SGCZ: variants seen among roughly 807,000 people sequenced by gnomAD.
SGCZ encodes sarcoglycan zeta.
In SGCZ, 40 loss-of-function variants were observed where a neutral mutation model predicts 41.3. The observed-to-expected ratio is 0.97, with a 90% confidence interval of 0.75 to 1.26. The LOEUF is 1.26. SGCZ is among the 50% of genes most tolerant of loss of function. The pLI, the probability that SGCZ is intolerant of heterozygous loss-of-function variation, is 0.00. For missense variants in SGCZ, 552 were observed against 369.8 expected (o/e 1.49, Z -4.04); for synonymous variants, 206 against 137.5 (o/e 1.50, Z -3.49).
Position 14,102,378 on chromosome 8 carries a change from C to T in SGCZ, c.742G>A (p.Glu248Lys). Residue 248 changes from glutamate (E) to lysine (K), a missense_variant and splice_region_variant, in exon 7 of 8, where the codon GAG becomes AAG. Glu to Lys is a moderately conservative substitution (Grantham distance 56). Transcript: ENST00000382080. The stretch of plus-strand genomic sequence containing the variant: ...GGGTCCAACTTTCTGGGACTCACCT[C>T]CCCTTCTGTAGATTGCAGATGGAGC... Reference protein sequence around the residue: ...KELHLQSTEGEIFLNAETIKL... With the variant: ...KELHLQSTEGKIFLNAETIKL... 1 of 1,490,042 alleles carries T rather than the reference C, an allele frequency of 6.7e-7. No individual in the cohort carries two copies. The highest frequency in any genetic ancestry group is 1.9e-5 in the Admixed American group (1 of 53,460). 92.3% of individuals were successfully genotyped at this position (1,490,042 alleles called of 1,614,324 possible).
At chr8:14,514,506 A>T (rs1317954098) in intron 2 of SGCZ, among the ~76,000 whole-genome samples, 1 of 151,804 alleles carries the variant, frequency 6.6e-6, no homozygotes, top group East Asian at 1.9e-4. Context: ...TAGCTAGTAC[A>T]TGAGGTGAAA....
chr8:15,022,028 A>G (rs899988690), intron 1 of SGCZ, among the ~76,000 whole-genome samples: 2 of 152,218 alleles, frequency 1.3e-5, no homozygotes, highest in African/African-American at 4.8e-5. Flanking sequence ...TGCCCTCTGT[A>G]ATAATGCTAT....
chr8:14,251,979 G>A (rs948861145), intron 3 of SGCZ, among the ~76,000 whole-genome samples: 2 of 151,992 alleles, frequency 1.3e-5, no homozygotes, highest in Admixed American at 1.3e-4. Flanking sequence ...CAAAGTGTTG[G>A]GATTACAGGC....
At chr8:14,163,827 TG>T (rs1804123642) in intron 5 of SGCZ, among the ~76,000 whole-genome samples, 1 of 152,194 alleles carries the variant, frequency 6.6e-6, no homozygotes, top group Non-Finnish European at 1.5e-5. Flanking sequence ...AACTCAAGTT[TG>T]GGAAACATGA....
intron 2 of SGCZ, among the ~76,000 whole-genome samples, chr8:14,510,663 T>C (rs1481792507): frequency 6.6e-6 from 1 of 152,140 alleles, no homozygotes; most frequent in Admixed American, 6.6e-5. Flanking sequence ...AGGGCAGATA[T>C]GAATGAAAAA....
chr8:14,575,871 A>T (rs926352449), intron 1 of SGCZ, among the ~76,000 whole-genome samples: 2 of 140,896 alleles, frequency 1.4e-5, no homozygotes, highest in African/African-American at 2.7e-5. Context: ...GTGCCATTGC[A>T]CTCCAGCCTG....
chr8:14,708,656 T>A (rs1809408738), intron 1 of SGCZ, among the ~76,000 whole-genome samples: 2 of 152,242 alleles, frequency 1.3e-5, no homozygotes, highest in African/African-American at 4.8e-5. Flanking sequence ...TGACACACCA[T>A]GCAACATCGT....
At chr8:14,491,548 TA>T (rs1421206972) in intron 2 of SGCZ, among the ~76,000 whole-genome samples, 2 of 152,182 alleles carry the variant, frequency 1.3e-5, no homozygotes, top group East Asian at 1.9e-4. Flanking sequence ...TACAAGATCC[TA>T]AAAAACACAA....
chr8:14,664,952 C>T (rs934536981), intron 1 of SGCZ, among the ~76,000 whole-genome samples: 1 of 152,112 alleles, frequency 6.6e-6, no homozygotes, highest in Admixed American at 6.6e-5. Context: ...CTAGGTGATC[C>T]TGGTCAAGCT....
intron 4 of SGCZ, among the ~76,000 whole-genome samples, chr8:14,222,463 C>T (rs576728926): frequency 7.6e-4 from 116 of 152,078 alleles, no homozygotes; most frequent in Non-Finnish European, 1.1e-3. Context: ...CCACCGTGCC[C>T]GGCCACTTCA....
intron 2 of SGCZ, among the ~76,000 whole-genome samples, chr8:14,543,542 G>A (rs1331674397): frequency 2.0e-5 from 3 of 152,038 alleles, no homozygotes; most frequent in African/African-American, 7.2e-5. Flanking sequence ...TGTGTAAAGA[G>A]ACCAAATCTC....
intron 2 of SGCZ, among the ~76,000 whole-genome samples, chr8:14,326,794 T>A (rs994291349): frequency 6.6e-6 from 1 of 152,146 alleles, no homozygotes; most frequent in African/African-American, 2.4e-5. Context: ...CCTCTTACAT[T>A]TTCAAAAATA....
At chr8:14,736,633 C>G (rs1799039911) in intron 1 of SGCZ, among the ~76,000 whole-genome samples, 2 of 152,058 alleles carry the variant, frequency 1.3e-5, no homozygotes, top group Admixed American at 6.6e-5. Flanking sequence ...CCCCCTCCCA[C>G]TTTCCCGCTC....
chr8:14,649,667 G>C (rs186965482), intron 1 of SGCZ, among the ~76,000 whole-genome samples: 1 of 152,038 alleles, frequency 6.6e-6, no homozygotes, highest in Non-Finnish European at 1.5e-5. Flanking sequence ...ATAAACACAA[G>C]CCTAATTGCT....
chr8:14,406,090 C>T (rs1799204911), intron 2 of SGCZ, among the ~76,000 whole-genome samples: 1 of 145,204 alleles, frequency 6.9e-6, no homozygotes, highest in African/African-American at 2.8e-5. Context: ...TACAACCCTA[C>T]TGCTTGCTTA....
chr8:15,203,953 T>C (rs1800977841), intron 1 of SGCZ, among the ~76,000 whole-genome samples: 1 of 152,226 alleles, frequency 6.6e-6, no homozygotes. Flanking sequence ...ATAAACTCCT[T>C]ATGGGACTAC....
At chr8:14,819,698 T>A (rs1332846338) in intron 1 of SGCZ, among the ~76,000 whole-genome samples, 3 of 151,976 alleles carry the variant, frequency 2.0e-5, no homozygotes, top group Non-Finnish European at 4.4e-5. Flanking sequence ...AACAGATAAA[T>A]AAGTAAATTA....
rs1465571185 is a variant in SGCZ at position 14,672,583 on chromosome 8, A to T, written c.40-117657T>A. 2.0e-5 allele frequency among the ~76,000 whole-genome samples: 3 copies of T among 152,176 alleles called. No homozygotes were observed. The East Asian group carries it at 5.8e-4, about 29-fold the overall frequency. On this transcript the variant is annotated intron_variant, in intron 1 of 7. Coordinates refer to ENST00000382080, the MANE Select transcript of SGCZ (RefSeq NM_139167.4). ...CTACAGTAGGTGCTGTAATAACATA[A>T]ATATAATGGTTGGAGCAGGAAGTAA... is the stretch of plus-strand genomic sequence containing the variant.
intron 1 of SGCZ, among the ~76,000 whole-genome samples, chr8:14,828,208 T>C (rs1203511134): frequency 3.3e-5 from 5 of 152,140 alleles, no homozygotes; most frequent in Non-Finnish European, 5.9e-5. Context: ...CCCAAAGAAA[T>C]GACCAGTTTA....
Sources: gnomAD v4.1 joint callset for allele counts (sites outside exome capture counted in the v4.1 genomes callset) on GRCh38, gnomAD v4.1.1 for gene constraint, MANE v1.5 for transcripts, NCBI Gene and HGNC (gene_info 2026-07-23, HGNC 2026-07-21) for gene names.